Variants in SLC71A1 observed in about 807,000 individuals in gnomAD.
The protein encoded by SLC71A1 is solute carrier family 71 member 1, also known as hippocampus abundant gene transcript 1.
chr1:100,081,353 T>A, the SLC71A1 span, among the ~76,000 whole-genome samples: 2 of 152,066 alleles, frequency 1.3e-5, no homozygotes, highest in Non-Finnish European at 2.9e-5. Context: ...TAGTAAATAC[T>A]GTATGCTACC....
chr1:100,068,032 T>C, the SLC71A1 span: 1 of 1,614,230 alleles, frequency 6.2e-7, no homozygotes, highest in Non-Finnish European at 8.5e-7. Flanking sequence ...GGAGCTTATC[T>C]TGGACGAGTA....
At chr1:100,081,989 T>G in the SLC71A1 span, 7 of 1,599,044 alleles carry the variant, frequency 4.4e-6, no homozygotes, top group Non-Finnish European at 6.0e-6. Flanking sequence ...CCTAATTACT[T>G]TATTCTTCCT....
chr1:100,040,910 C>G, the SLC71A1 span, among the ~76,000 whole-genome samples: 3 of 152,256 alleles, frequency 2.0e-5, no homozygotes, highest in Admixed American at 6.5e-5. Context: ...TGGGTAGATT[C>G]ATTCAGTGAG....
At chr1:100,057,832 C>T in the SLC71A1 span, among the ~76,000 whole-genome samples, 1 of 152,206 alleles carries the variant, frequency 6.6e-6, no homozygotes, top group Admixed American at 6.5e-5. Context: ...TCCCTACCTT[C>T]CTTATTACCC....
chr1:100,052,008 C>T, the SLC71A1 span, among the ~76,000 whole-genome samples: 1 of 152,148 alleles, frequency 6.6e-6, no homozygotes, highest in Non-Finnish European at 1.5e-5. Context: ...TGACAGTAAG[C>T]TGCAGTGTTG....
the SLC71A1 span, among the ~76,000 whole-genome samples, chr1:100,076,464 C>G: frequency 6.6e-6 from 1 of 152,184 alleles, no homozygotes; most frequent in Non-Finnish European, 1.5e-5. Flanking sequence ...TTATTAACCG[C>G]TGATTATTGC....
chr1:100,082,332 A>G, the SLC71A1 span: 7 of 740,034 alleles, frequency 9.5e-6, no homozygotes, highest in Non-Finnish European at 1.5e-5. Flanking sequence ...ATGTATCTGC[A>G]TGAACTCCGT....
the SLC71A1 span, among the ~76,000 whole-genome samples, chr1:100,071,057 G>A: frequency 6.6e-6 from 1 of 151,866 alleles, no homozygotes; most frequent in African/African-American, 2.4e-5. Context: ...TCATCAGTCT[G>A]GAAAAACAAT....
chr1:100,042,766 C>T, the SLC71A1 span, among the ~76,000 whole-genome samples: 2 of 152,066 alleles, frequency 1.3e-5, no homozygotes, highest in African/African-American at 4.8e-5. Flanking sequence ...TGCCATCATG[C>T]CCAGCTAATT....
chr1:100,052,391 C>A, the SLC71A1 span, among the ~76,000 whole-genome samples: 1 of 143,810 alleles, frequency 7.0e-6, no homozygotes, highest in South Asian at 2.3e-4. Flanking sequence ...CTTGTTTATT[C>A]ATTTTTCATA....
chr1:100,075,765 A>T, the SLC71A1 span, among the ~76,000 whole-genome samples: 1 of 152,008 alleles, frequency 6.6e-6, no homozygotes, highest in Non-Finnish European at 1.5e-5. Flanking sequence ...TGCAGCCTCG[A>T]CCTCCTGGGC....
the SLC71A1 span, chr1:100,058,708 G>A: frequency 6.3e-7 from 1 of 1,581,860 alleles, no homozygotes; most frequent in South Asian, 1.1e-5. Context: ...TCTGATGAAC[G>A]GCTTAATTCA....
the SLC71A1 span, among the ~76,000 whole-genome samples, chr1:100,048,278 A>G: frequency 1.3e-5 from 2 of 151,924 alleles, no homozygotes; most frequent in African/African-American, 4.8e-5. Flanking sequence ...TCCCAGGTTC[A>G]AGCGATTCTC....
the SLC71A1 span, chr1:100,067,898 C>A: frequency 9.2e-7 from 1 of 1,090,922 alleles, no homozygotes; most frequent in Non-Finnish European, 1.4e-6. Context: ...TGACATAAAT[C>A]AAGATTATGA....
At chr1:100,062,006 A>G in the SLC71A1 span, 3 of 1,020,708 alleles carry the variant, frequency 2.9e-6, no homozygotes, top group Non-Finnish European at 4.5e-6. Flanking sequence ...TGTTTTTAAG[A>G]TAAATATTAT....
chr1:100,064,408 C>G, the SLC71A1 span, among the ~76,000 whole-genome samples: 1 of 152,122 alleles, frequency 6.6e-6, no homozygotes, highest in African/African-American at 2.4e-5. Context: ...GGATTATAGG[C>G]GTGAGCCATG....
At chr1:100,052,665 C>T in the SLC71A1 span, among the ~76,000 whole-genome samples, 2 of 151,924 alleles carry the variant, frequency 1.3e-5, no homozygotes, top group South Asian at 2.1e-4. Context: ...CTCTTAACCT[C>T]GTGATCCGCC....
the SLC71A1 span, among the ~76,000 whole-genome samples, chr1:100,069,170 A>G: frequency 6.6e-6 from 1 of 152,298 alleles, no homozygotes; most frequent in African/African-American, 2.4e-5. Context: ...TGTTGGCTAT[A>G]GAATTGATGG....
chr1:100,074,362 G>C, the SLC71A1 span, among the ~76,000 whole-genome samples: 5 of 152,140 alleles, frequency 3.3e-5, no homozygotes, highest in Non-Finnish European at 7.4e-5. Context: ...ATCACCTGAG[G>C]TCAGGAGTTC....
Sources: allele counts gnomAD v4.1 joint callset (sites outside exome capture counted in the v4.1 genomes callset), GRCh38; gene constraint gnomAD v4.1.1; transcripts MANE v1.5; gene names NCBI Gene and HGNC (gene_info 2026-07-23, HGNC 2026-07-21).